The following ERC2 variants were observed in gnomAD, a reference collection of about 807,000 sequenced individuals.
ERC2 encodes the protein ELKS/RAB6-interacting/CAST family member 2.
In ERC2, 42 loss-of-function variants were observed where a neutral mutation model predicts 114.8. That is an observed-to-expected ratio of 0.37 (90% CI 0.29 to 0.47). ERC2 has a LOEUF of 0.47. Among genes scored for constraint, ERC2 ranks in the 20% least tolerant of loss-of-function variants. The pLI, the probability that ERC2 is intolerant of heterozygous loss-of-function variation, is 0.99. For missense variants in ERC2, 939 were observed against 1,150.7 expected, an observed-to-expected ratio of 0.82 and a Z score of 2.66; for synonymous variants, 454 against 425.5, an observed-to-expected ratio of 1.07 and a Z score of -0.82.
chr3:56,313,037 T>TATATATATA (rs2056680454), intron 2 of ERC2, among the ~76,000 whole-genome samples: 7 of 130,242 alleles, frequency 5.4e-5, no homozygotes, highest in Non-Finnish European at 9.9e-5. Flanking sequence ...TATATATATA[T>TATATATATA]GGGGTGGGAG....
intron 6 of ERC2, among the ~76,000 whole-genome samples, chr3:56,127,446 G>A (rs946993580): frequency 6.6e-6 from 1 of 152,166 alleles, no homozygotes; most frequent in Admixed American, 6.5e-5. Flanking sequence ...AAACAAACCA[G>A]GCTGGCCGCA....
At chr3:56,284,406 C>T (rs1481721648) in intron 3 of ERC2, among the ~76,000 whole-genome samples, 3 of 152,144 alleles carry the variant, frequency 2.0e-5, no homozygotes, top group Non-Finnish European at 4.4e-5. Context: ...AATAAAAATA[C>T]TTAATAGTAC....
chr3:55,819,037 T>A (rs2060012440), intron 14 of ERC2, among the ~76,000 whole-genome samples: 1 of 152,238 alleles, frequency 6.6e-6, no homozygotes, highest in Non-Finnish European at 1.5e-5. Context: ...GAAATTCATT[T>A]TTCTGCACTA....
intron 17 of ERC2, among the ~76,000 whole-genome samples, chr3:55,563,328 CT>C (rs57775830): frequency 0.11 from 14,956 of 138,800 alleles, 844 homozygotes; most frequent in South Asian, 0.2. Context: ...AGTGTCTTTC[CT>C]TTTTTTTTTT....
intron 2 of ERC2, among the ~76,000 whole-genome samples, chr3:56,411,285 C>G (rs774601446): frequency 2.6e-5 from 4 of 151,510 alleles, no homozygotes; most frequent in Non-Finnish European, 5.9e-5. Context: ...TTAACGCCTC[C>G]TCCATGAGCA....
intron 13 of ERC2, among the ~76,000 whole-genome samples, chr3:55,918,994 A>G (rs1235882337): frequency 1.3e-5 from 2 of 152,134 alleles, no homozygotes; most frequent in African/African-American, 4.8e-5. Context: ...TCAAAGAGAA[A>G]TGCTCAAGAA....
chr3:55,803,112 A>T (rs1184599548), intron 14 of ERC2, among the ~76,000 whole-genome samples: 1 of 152,206 alleles, frequency 6.6e-6, no homozygotes, highest in Non-Finnish European at 1.5e-5. Context: ...TTGGCTTCAA[A>T]GGAAGACCAG....
At chr3:55,683,722 A>G in intron 17 of ERC2, 72 bp downstream of exon 17, 2 of 1,230,260 alleles carry the variant, frequency 1.6e-6, no homozygotes, top group Non-Finnish European at 2.3e-6. Context: ...AGCGAGCACA[A>G]TCGAGCACGC....
chr3:56,046,085 C>T (rs2075442187), intron 7 of ERC2, among the ~76,000 whole-genome samples: 1 of 152,094 alleles, frequency 6.6e-6, no homozygotes, highest in East Asian at 1.9e-4. Context: ...TAAACAAGTG[C>T]TACAGGTGAT....
chr3:56,323,140 T>C (rs1006713061), intron 2 of ERC2, among the ~76,000 whole-genome samples: 7 of 152,142 alleles, frequency 4.6e-5, no homozygotes, highest in Non-Finnish European at 1.0e-4. Context: ...GCCACCAGAA[T>C]CATGGGTCAA....
intron 12 of ERC2, among the ~76,000 whole-genome samples, chr3:55,965,852 T>C (rs1172653930): frequency 6.6e-6 from 1 of 152,170 alleles, no homozygotes; most frequent in African/African-American, 2.4e-5. Context: ...CAGTGGTGGG[T>C]GGTGGATGAA....
At chr3:55,675,921 T>C (rs1382656819) in intron 17 of ERC2, among the ~76,000 whole-genome samples, 1 of 119,762 alleles carries the variant, frequency 8.3e-6, no homozygotes, top group East Asian at 2.3e-4. Flanking sequence ...TTTTTTTTTT[T>C]TTTTTTTTTT....
At chr3:55,561,041 C>T (rs2055980406) in intron 17 of ERC2, among the ~76,000 whole-genome samples, 1 of 151,988 alleles carries the variant, frequency 6.6e-6, no homozygotes, top group Non-Finnish European at 1.5e-5. Context: ...AAGACTGGCT[C>T]ATCAATATAT....
intron 17 of ERC2, among the ~76,000 whole-genome samples, chr3:55,634,735 G>A (rs2059889594): frequency 6.6e-6 from 1 of 152,180 alleles, no homozygotes; most frequent in African/African-American, 2.4e-5. Context: ...GCTGGCAAAA[G>A]CTGTGTCTAG....
chr3:55,606,491 C>G (rs1443672603), intron 17 of ERC2: 2 of 152,192 alleles, frequency 1.3e-5, no homozygotes, highest in African/African-American at 4.8e-5. Flanking sequence ...ACCAACCTTC[C>G]TCTCTGTCCA....
At chr3:56,024,379 A>G (rs540804478) in intron 7 of ERC2, among the ~76,000 whole-genome samples, 13 of 152,330 alleles carry the variant, frequency 8.5e-5, no homozygotes, top group South Asian at 6.2e-4. Context: ...AATACTACAT[A>G]TTAACTTACT....
chr3:55,711,830 A>G (rs1270632084), intron 15 of ERC2, among the ~76,000 whole-genome samples: 1 of 152,228 alleles, frequency 6.6e-6, no homozygotes, highest in Non-Finnish European at 1.5e-5. Flanking sequence ...AACATATCAT[A>G]GCTGTTTCTA....
intron 3 of ERC2, among the ~76,000 whole-genome samples, chr3:56,262,341 C>T (rs888461841): frequency 2.0e-5 from 3 of 152,110 alleles, no homozygotes; most frequent in Admixed American, 1.3e-4. Context: ...TTGTGGGGGA[C>T]CACTGAATAT....
chr3:56,027,074 C>T (rs79528218), intron 7 of ERC2, among the ~76,000 whole-genome samples: 189 of 152,306 alleles, frequency 1.2e-3, no homozygotes, highest in Middle Eastern at 3.4e-3. Flanking sequence ...CAGTATGTAA[C>T]CTGTGGGATT....
Sources: allele counts gnomAD v4.1 joint callset (sites outside exome capture counted in the v4.1 genomes callset), GRCh38; gene constraint gnomAD v4.1.1; transcripts MANE v1.5; gene names NCBI Gene and HGNC (gene_info 2026-07-23, HGNC 2026-07-21).